CELF2: variants seen among roughly 807,000 people sequenced by gnomAD.
The protein encoded by CELF2 is CUG triplet repeat RNA-binding protein 2.
A neutral mutation model predicts 62.6 loss-of-function variants in CELF2; 8 were observed. The ratio of observed to expected loss-of-function variants is 0.13; its 90% CI spans 0.07 to 0.23. The LOEUF is 0.23. Ranked by LOEUF, CELF2 falls within the 10% of genes least tolerant of loss-of-function variation. CELF2 has a pLI of 1.00. For synonymous variants in CELF2, 258 were observed against 250.0 expected, an observed-to-expected ratio of 1.03 and a Z score of -0.30; for missense variants, 333 against 671.0, an observed-to-expected ratio of 0.50 and a Z score of 5.56.
At chr10:10,879,449 T>A (rs1408626788) in intron 1 of CELF2, among the ~76,000 whole-genome samples, 1 of 152,224 alleles carries the variant, frequency 6.6e-6, no homozygotes, top group Admixed American at 6.5e-5. Flanking sequence ...AGAGTTGAGT[T>A]GTTGCAAAGC....
chr10:11,168,987 G>C (rs1428764073), intron 2 of CELF2: 2 of 152,184 alleles, frequency 1.3e-5, no homozygotes, highest in Non-Finnish European at 2.9e-5. Flanking sequence ...CAATACCACA[G>C]AGAGTTAAGA....
rs1006487702 is a variant in CELF2, at chr10:10,802,912, T to G, written c.53+4095T>G. 1.6e-4 allele frequency among the ~76,000 whole-genome samples: 24 copies of G among 152,108 alleles called. 2 individuals carry two copies. On this transcript the variant is annotated intron_variant, in intron 1 of 13. Coordinates refer to the CELF2 transcript ENST00000636488. ...CAGGTTATAAACTCTATCTATAATG[T>G]CCCCCCAAGAACTCACTGGTTTCCA...
At chr10:10,735,582 G>A in the CELF2 span, among the ~76,000 whole-genome samples, 1 of 152,166 alleles carries the variant, frequency 6.6e-6, no homozygotes, top group Non-Finnish European at 1.5e-5. Context: ...TAGAGTTGAA[G>A]ACAGATGAAT....
intron 9 of CELF2, among the ~76,000 whole-genome samples, chr10:11,307,420 G>A (rs2094304977): frequency 6.6e-6 from 1 of 152,216 alleles, no homozygotes; most frequent in South Asian, 2.1e-4. Flanking sequence ...ATCAACAGTT[G>A]GAGATGTTTA....
chr10:11,077,967 T>C (rs2072611776), intron 1 of CELF2, among the ~76,000 whole-genome samples: 1 of 152,096 alleles, frequency 6.6e-6, no homozygotes, highest in Non-Finnish European at 1.5e-5. Flanking sequence ...AAAGTAATCC[T>C]TGAGAAAAGC....
At chr10:10,538,452 C>T in the CELF2 span, among the ~76,000 whole-genome samples, 1 of 152,130 alleles carries the variant, frequency 6.6e-6, no homozygotes, top group Non-Finnish European at 1.5e-5. Flanking sequence ...TGAATCTTTG[C>T]CACTCCCTAT....
the CELF2 span, among the ~76,000 whole-genome samples, chr10:10,626,605 C>T: frequency 6.6e-6 from 1 of 152,074 alleles, no homozygotes; most frequent in Non-Finnish European, 1.5e-5. Context: ...TTTTTCCCCT[C>T]ATTTTAGAGC....
chr10:10,804,048 A>C (rs2054946657), intron 1 of CELF2, among the ~76,000 whole-genome samples: 1 of 152,258 alleles, frequency 6.6e-6, no homozygotes, highest in South Asian at 2.1e-4. Flanking sequence ...TGCCAATCAG[A>C]AAAGTGTCTA....
At chr10:11,018,502 C>G (rs1441379819) in intron 1 of CELF2, among the ~76,000 whole-genome samples, 2 of 147,652 alleles carry the variant, frequency 1.4e-5, no homozygotes, top group African/African-American at 5.0e-5. Context: ...CGGGGTCCAC[C>G]GACCGGCGCG....
the CELF2 span, among the ~76,000 whole-genome samples, chr10:10,468,817 A>G: frequency 6.6e-6 from 1 of 151,980 alleles, no homozygotes; most frequent in African/African-American, 2.4e-5. Context: ...AACTTTACAT[A>G]AAGCATCAGT....
At chr10:10,679,206 A>G in the CELF2 span, among the ~76,000 whole-genome samples, 4 of 152,216 alleles carry the variant, frequency 2.6e-5, no homozygotes, top group Non-Finnish European at 1.5e-5. Flanking sequence ...ATTTGAATTC[A>G]TTTTAGTGAC....
chr10:11,289,669 G>A (rs765540574), intron 9 of CELF2, among the ~76,000 whole-genome samples: 1 of 152,186 alleles, frequency 6.6e-6, no homozygotes, highest in African/African-American at 2.4e-5. Context: ...ACTGTGTACA[G>A]TGTCTTCAAA....
chr10:10,517,240 A>C, the CELF2 span, among the ~76,000 whole-genome samples: 1 of 152,126 alleles, frequency 6.6e-6, no homozygotes, highest in African/African-American at 2.4e-5. Context: ...ACTCAACTTC[A>C]ACGGGAGGCT....
the CELF2 span, among the ~76,000 whole-genome samples, chr10:10,617,533 G>A: frequency 1.3e-3 from 195 of 152,222 alleles, 3 homozygotes; most frequent in African/African-American, 4.6e-3. Context: ...TAGAGAGGGT[G>A]CCTAGCACAT....
the CELF2 span, among the ~76,000 whole-genome samples, chr10:10,462,615 C>CTA: frequency 2.0e-4 from 14 of 69,418 alleles, no homozygotes; most frequent in East Asian, 5.2e-4. Flanking sequence ...TTTTTTTCAT[C>CTA]TTTTTTTTTT....
At chr10:10,509,719 C>G in the CELF2 span, among the ~76,000 whole-genome samples, 1 of 152,160 alleles carries the variant, frequency 6.6e-6, no homozygotes, top group African/African-American at 2.4e-5. Flanking sequence ...CAAAGAGGCC[C>G]TTTGAGATTA....
chr10:11,255,306 C>T lies in CELF2; in HGVS notation c.404-2432C>T, dbSNP rs2078369463. On this transcript the variant is annotated intron_variant, in intron 4 of 12. Coordinates refer to ENST00000633077, the MANE Select transcript of CELF2 (RefSeq NM_001326342.2). The surrounding 1 kb of genome is among the most constrained non-coding windows in gnomAD (Gnocchi z 5.5). The stretch of plus-strand genomic sequence containing the variant: ...TGTCTCCTCCGAGTCTGAACACAAG[C>T]AGTGGCTCAGGCCAGCTGATGCTTT... 6.6e-6 allele frequency among the ~76,000 whole-genome samples: 1 copy of T among 152,338 alleles called. No individual in the cohort carries two copies. Among genetic ancestry groups the T allele is most frequent in the Non-Finnish European group, 1.5e-5 (1 of 68,030 alleles).
intron 2 of CELF2, among the ~76,000 whole-genome samples, chr10:11,203,758 C>G (rs2059803537): frequency 6.6e-6 from 1 of 152,226 alleles, no homozygotes; most frequent in Admixed American, 6.5e-5. Context: ...TTCTTCCCAG[C>G]CATCCCCATT....
At chr10:11,012,961 C>T (rs977571339), upstream of CELF2, among the ~76,000 whole-genome samples, 3 of 152,046 alleles carry the variant, frequency 2.0e-5, no homozygotes, top group Non-Finnish European at 4.4e-5. This position sits in a 1 kb window ranked among gnomAD's most constrained non-coding sequence, Gnocchi z 5.5. Flanking sequence ...CTTCCCCAGA[C>T]GTCTCCTTCC....
Sources: gnomAD v4.1 joint callset for allele counts (sites outside exome capture counted in the v4.1 genomes callset) on GRCh38, gnomAD v4.1.1 for gene constraint, Gnocchi (gnomAD v3.1) non-coding constraint, MANE v1.5 for transcripts, NCBI Gene and HGNC (gene_info 2026-07-23, HGNC 2026-07-21) for gene names.